KIF11: variants seen among roughly 807,000 people sequenced by gnomAD.
KIF11 encodes the protein kinesin-like protein KIF11.
In KIF11, 9 loss-of-function variants were observed where a neutral mutation model predicts 121.0. That is an observed-to-expected ratio of 0.07 (90% CI 0.04 to 0.13). KIF11 has a LOEUF of 0.13. Ranked by LOEUF, KIF11 falls within the 10% of genes least tolerant of loss-of-function variation. The probability of loss-of-function intolerance (pLI) is 1.00; values close to 1 mark genes in which losing one functional copy is unlikely to be tolerated. For missense variants in KIF11, 846 were observed against 1,217.5 expected (o/e 0.69, Z 4.54); for synonymous variants, 408 against 421.0 (o/e 0.97, Z 0.38).
intron 1 of KIF11, among the ~76,000 whole-genome samples, chr10:92,605,374 T>A (rs1243954094): frequency 2.6e-5 from 4 of 152,198 alleles, no homozygotes; most frequent in Non-Finnish European, 5.9e-5. Flanking sequence ...TATTAGTCAT[T>A]ATTTTTATGT....
chr10:92,596,271 G>C (rs968033426), intron 1 of KIF11, among the ~76,000 whole-genome samples: 1 of 152,198 alleles, frequency 6.6e-6, no homozygotes, highest in South Asian at 2.1e-4. Context: ...CCTAAGAGCC[G>C]GGATTACAGG....
intron 1 of KIF11, among the ~76,000 whole-genome samples, chr10:92,602,117 T>C (rs1442222855): frequency 6.6e-6 from 1 of 152,206 alleles, no homozygotes; most frequent in Non-Finnish European, 1.5e-5. Context: ...TAAATCCCAC[T>C]TGGTCATGGT....
chr10:92,654,588 A>G lies in KIF11; in HGVS notation c.*792A>G, dbSNP rs1280683630. On this transcript the variant is annotated 3_prime_UTR_variant, in exon 22 of 22. Transcript: ENST00000260731. ...TTTTCACCAAACCATTTGTAGAGCT[A>G]CAAAAGGTATCCTTTCTTATTTTCA... The G allele has an allele frequency of 2.6e-5, 4 of 152,218 alleles. No individual in the cohort carries two copies. Among genetic ancestry groups the G allele is most frequent in the African/African-American group, 9.6e-5 (4 of 41,452 alleles). The allele number at this position is 152,218 out of a possible 1,614,324, so 9.4% of individuals were successfully genotyped here.
intron 10 of KIF11, among the ~76,000 whole-genome samples, chr10:92,626,776 T>C (rs1334435145): frequency 1.3e-5 from 2 of 152,176 alleles, no homozygotes; most frequent in Non-Finnish European, 2.9e-5. Flanking sequence ...ATTTTTATTT[T>C]TGAGACAGAG....
chr10:92,648,126 T>C, intron 18 of KIF11, 86 bp from the exon 19 acceptor site: 1 of 898,944 alleles, frequency 1.1e-6, no homozygotes, highest in East Asian at 3.0e-5. Flanking sequence ...AAAAAAATTA[T>C]GGAAAAGGTA....
rs1844750010 is a variant in KIF11 at position 92,632,553 on chromosome 10, A to T, written c.1562A>T (p.Lys521Met). The T allele has an allele frequency of 2.5e-6, 4 of 1,613,878 alleles. No homozygotes were observed. The highest frequency in any genetic ancestry group is 3.4e-6 in the Non-Finnish European group (4 of 1,179,736). Residue 521 changes from lysine (K) to methionine (M), a missense_variant, in exon 13 of 22, where the codon AAG (lysine) becomes ATG (methionine). By Grantham distance (95) the Lys-to-Met change is moderately conservative (BLOSUM62 -1). Transcript: ENST00000260731. ...SGLHSKLDRK[K>M]AVDQHNAEAQ... ...CTCCATTCCAAACTGGATCGTAAGAAGGCAGTTGACCAACACAATGCAGAA... is the reference window on the plus strand; with the variant it reads ...CTCCATTCCAAACTGGATCGTAAGATGGCAGTTGACCAACACAATGCAGAA...
intron 1 of KIF11, among the ~76,000 whole-genome samples, chr10:92,605,012 C>G (rs1048951644): frequency 1.3e-5 from 2 of 149,218 alleles, no homozygotes; most frequent in Non-Finnish European, 3.0e-5. Context: ...GTGGGTAACA[C>G]ATTAAAAAAA....
Position 92,650,552 on chromosome 10 carries a change from G to A in KIF11, c.3039+35G>A, listed in dbSNP as rs570112617. 4.5e-6 allele frequency: 5 copies of A among 1,112,754 alleles called. No homozygotes were observed. In the East Asian group the frequency reaches 7.0e-5, roughly 16 times the overall value. The allele number at this position is 1,112,754 out of a possible 1,614,324, so 68.9% of individuals were successfully genotyped here. ...ATCAGATAACCCTTCCACATCTGAT[G>A]TAAGTCATTCATTTACTATTCATTA... On this transcript the variant is annotated intron_variant, in intron 21 of 21. Coordinates refer to ENST00000260731, the MANE Select transcript of KIF11 (RefSeq NM_004523.4).
chr10:92,652,244 G>A (rs1184262795), intron 21 of KIF11, among the ~76,000 whole-genome samples: 1 of 151,962 alleles, frequency 6.6e-6, no homozygotes, highest in Non-Finnish European at 1.5e-5. Context: ...GGGTTCTAGC[G>A]ATTCTCTTGC....
intron 14 of KIF11, among the ~76,000 whole-genome samples, chr10:92,635,847 TAAAAG>T (rs1216215245): frequency 1.3e-5 from 2 of 152,212 alleles, no homozygotes; most frequent in African/African-American, 2.4e-5. Context: ...TTGCTTGAAT[TAAAAG>T]AAAAGAGGCA....
chr10:92,625,287 G>C (rs898869122), intron 10 of KIF11, among the ~76,000 whole-genome samples: 2 of 150,944 alleles, frequency 1.3e-5, no homozygotes, highest in Non-Finnish European at 2.9e-5. Context: ...GTTAAACATA[G>C]TTTCATATGC....
intron 12 of KIF11, 50 bp downstream of exon 12, chr10:92,630,414 AAAAAAT>A: frequency 1.7e-6 from 2 of 1,205,482 alleles, no homozygotes; most frequent in Non-Finnish European, 2.2e-6. Flanking sequence ...GAATGGGTAG[AAAAAAT>A]TTTCTGTGCT....
chr10:92,603,263 C>CTT (rs368046931), intron 1 of KIF11, among the ~76,000 whole-genome samples: 4,020 of 109,132 alleles, frequency 0.037, 209 homozygotes, highest in Admixed American at 0.055. Flanking sequence ...CTTTTCTTTT[C>CTT]TTTTTTTTTT....
chr10:92,635,039 TTATA>T (rs1427083330), intron 14 of KIF11, among the ~76,000 whole-genome samples: 2 of 152,216 alleles, frequency 1.3e-5, no homozygotes, highest in African/African-American at 2.4e-5. Context: ...CATACTTGAT[TTATA>T]TATAGTCTTT....
chr10:92,606,433 T>C, intron 2 of KIF11, 36 bp downstream of exon 2: 1 of 1,518,672 alleles, frequency 6.6e-7, no homozygotes, highest in Non-Finnish European at 8.9e-7. Flanking sequence ...TATCCACTAA[T>C]GTAAAATAAT....
At chr10:92,649,298 T>C (rs1181648675) in intron 19 of KIF11, among the ~76,000 whole-genome samples, 1 of 152,086 alleles carries the variant, frequency 6.6e-6, no homozygotes, top group Non-Finnish European at 1.5e-5. Context: ...CATGAGCTTA[T>C]TACAGAGAAA....
chr10:92,612,307 T>A (rs1844506616), intron 6 of KIF11, among the ~76,000 whole-genome samples: 1 of 152,118 alleles, frequency 6.6e-6, no homozygotes. Context: ...AGCTAATTTT[T>A]AAATTTTTTT....
chr10:92,637,357 A>C, intron 15 of KIF11, 30 bp from the exon 16 acceptor site: 1 of 1,578,776 alleles, frequency 6.3e-7, no homozygotes, highest in Non-Finnish European at 8.5e-7. Flanking sequence ...GTGTTGTTTA[A>C]GAAGGAAACT....
At chr10:92,634,551 G>A (rs1042453002) in intron 14 of KIF11, among the ~76,000 whole-genome samples, 2 of 152,144 alleles carry the variant, frequency 1.3e-5, no homozygotes, top group African/African-American at 4.8e-5. Context: ...TGGGATTACA[G>A]GCGTGAGCCA....
Sources: gnomAD v4.1 joint callset for allele counts (sites outside exome capture counted in the v4.1 genomes callset) on GRCh38, gnomAD v4.1.1 for gene constraint, MANE v1.5 for transcripts, NCBI Gene and HGNC (gene_info 2026-07-23, HGNC 2026-07-21) for gene names.